SGSH: variants seen among roughly 807,000 people sequenced by gnomAD.
The protein encoded by SGSH is heparan sulfate sulfatase.
In SGSH, 48 loss-of-function variants were observed where a neutral mutation model predicts 51.0. The ratio of observed to expected loss-of-function variants is 0.94; its 90% CI spans 0.75 to 1.20. The LOEUF (loss-of-function observed/expected upper bound fraction) is 1.20, where lower values mean the gene tolerates loss of function less well. SGSH is among the 50% of genes most tolerant of loss of function. SGSH has a pLI of 0.00. For missense variants in SGSH, 662 were observed against 717.8 expected, an observed-to-expected ratio of 0.92 and a Z score of 0.89; for synonymous variants, 321 against 313.4, an observed-to-expected ratio of 1.02 and a Z score of -0.26.
chr17:80,211,939 G>T, intron 7 of SGSH, 132 bp downstream of exon 7: 1 of 762,942 alleles, frequency 1.3e-6, no homozygotes, highest in Non-Finnish European at 2.3e-6. Context: ...GAGTGGGAGT[G>T]ACAGTCCCTT....
In SGSH at chr17:80,209,857, A is replaced by G; in HGVS notation, c.*595T>C. ...GCTGAAACCTGCCTGGGGAACAGGG[A>G]CTTGACCATGGGGCAAAACAGAAGA... On this transcript the variant is annotated 3_prime_UTR_variant, in exon 8 of 8. Coordinates refer to ENST00000326317, the MANE Select transcript of SGSH (RefSeq NM_000199.5). The G allele has an allele frequency of 1.0e-6, 1 of 989,116 alleles. No individual in the cohort carries two copies. The highest frequency in any genetic ancestry group is 1.2e-6 in the Non-Finnish European group (1 of 832,180). The allele number at this position is 989,116 out of a possible 1,614,324, so 61.3% of individuals were successfully genotyped here. A position where few individuals can be genotyped will look rare whatever the true frequency, so the allele number is the denominator to read the frequency against.
At chr17:80,202,086 G>C, downstream of SGSH, 1 of 1,276,296 alleles carries the variant, frequency 7.8e-7, no homozygotes, top group Non-Finnish European at 1.1e-6. Flanking sequence ...AGACTGGGAG[G>C]GTCCTTCCTT....
rs929179426 is a variant in SGSH, at chr17:80,209,458, C to T, written c.*994G>A. 4.1e-6 allele frequency: 4 copies of T among 985,472 alleles called. No homozygotes were observed. The highest frequency in any genetic ancestry group is 4.8e-6 in the Non-Finnish European group (4 of 830,094). The allele number at this position is 985,472 out of a possible 1,614,324, so 61.0% of individuals were successfully genotyped here. A position where few individuals can be genotyped will look rare whatever the true frequency, so the allele number is the denominator to read the frequency against. On this transcript the variant is annotated 3_prime_UTR_variant, in exon 8 of 8. Coordinates refer to ENST00000326317, the MANE Select transcript of SGSH (RefSeq NM_000199.5). ...GTGTCCAGGCCGAGGGGTGTCCAGGCCGGGCTTCTGCTCCCGAGGTGGGTG... is the reference window on the plus strand; with the variant it reads ...GTGTCCAGGCCGAGGGGTGTCCAGGTCGGGCTTCTGCTCCCGAGGTGGGTG...
downstream of SGSH, chr17:80,205,409 CA>C (rs1275717441): frequency 1.4e-5 from 19 of 1,362,370 alleles, no homozygotes; most frequent in Non-Finnish European, 1.9e-5. Flanking sequence ...GTAAAGTGGA[CA>C]TCCTAAGAAG....
intron 2 of SGSH, among the ~76,000 whole-genome samples, chr17:80,216,044 G>T (rs531085122): frequency 6.6e-6 from 1 of 151,978 alleles, no homozygotes; most frequent in Non-Finnish European, 1.5e-5. Flanking sequence ...GACACAAAAG[G>T]GGGGCCGGGC....
chr17:80,216,033 G>A (rs563972248), intron 2 of SGSH, among the ~76,000 whole-genome samples: 1 of 150,798 alleles, frequency 6.6e-6, no homozygotes, highest in East Asian at 2.0e-4. Context: ...AGTGAAGTAA[G>A]GACACAAAAG....
intron 2 of SGSH, 99 bp from the exon 3 acceptor site, chr17:80,215,237 C>A: frequency 2.4e-6 from 2 of 848,832 alleles, no homozygotes; most frequent in South Asian, 1.4e-5. Context: ...GGGGCCTTCT[C>A]GGGGCCCTGA....
At chr17:80,218,770 C>T (rs111239565) in intron 1 of SGSH, among the ~76,000 whole-genome samples, 3 of 152,290 alleles carry the variant, frequency 2.0e-5, no homozygotes, top group Admixed American at 6.5e-5. Flanking sequence ...GAAGCCCTAA[C>T]GTCAACATCA....
Position 80,212,490 on chromosome 17 carries a change from C to T in SGSH, c.746-216G>A, listed in dbSNP as rs1268716087. On this transcript the variant is annotated intron_variant, in intron 6 of 7. Coordinates refer to ENST00000326317, the MANE Select transcript of SGSH (RefSeq NM_000199.5). This position sits in a 1 kb window ranked among gnomAD's most constrained non-coding sequence, Gnocchi z 5.9. ...ATTCCCTGAGCAGGCCTCGAATGGGCCTCCAGGGACTCCAGCCATCCCTTG... is the reference window on the plus strand; with the variant it reads ...ATTCCCTGAGCAGGCCTCGAATGGGTCTCCAGGGACTCCAGCCATCCCTTG... 1.3e-5 allele frequency: 8 copies of T among 606,264 alleles called. No individual in the cohort carries two copies. Among genetic ancestry groups the T allele is most frequent in the African/African-American group, 1.8e-5 (1 of 54,776 alleles). The allele number at this position is 606,264 out of a possible 1,614,324, so 37.6% of individuals were successfully genotyped here. A position where few individuals can be genotyped will look rare whatever the true frequency, so the allele number is the denominator to read the frequency against.
chr17:80,206,779 AAT>A, downstream of SGSH: 1 of 408,904 alleles, frequency 2.4e-6, no homozygotes, highest in East Asian at 3.7e-5. Context: ...AAAAATAAAA[AAT>A]AAAAATAAAA....
chr17:80,201,796 C>A, downstream of SGSH: 1 of 1,613,990 alleles, frequency 6.2e-7, no homozygotes, highest in Non-Finnish European at 8.5e-7. This position sits in a 1 kb window ranked among gnomAD's most constrained non-coding sequence, Gnocchi z 5.0. Context: ...GAGGACACGA[C>A]CCTGGAGGAG....
Position 80,212,421 on chromosome 17 carries a change from G to A in SGSH, c.746-147C>T, listed in dbSNP as rs1409235163. ...AAGCACCCTGTAGTTCTTCCCAATG[G>A]CCCTGGCTCTTGCCCAGCTCTTGCC... On this transcript the variant is annotated intron_variant, in intron 6 of 7. Transcript: ENST00000326317. This position sits in a 1 kb window ranked among gnomAD's most constrained non-coding sequence, Gnocchi z 5.9. The A allele has an allele frequency of 1.2e-5, 9 of 733,810 alleles. No homozygotes were observed. The highest frequency in any genetic ancestry group is 2.7e-5 in the East Asian group (1 of 37,194). The allele number at this position is 733,810 out of a possible 1,614,324, so 45.5% of individuals were successfully genotyped here.
At chr17:80,208,190 A>C (rs1472109518), downstream of SGSH, 3 of 1,551,978 alleles carry the variant, frequency 1.9e-6, no homozygotes, top group African/African-American at 4.1e-5. Context: ...GGAGGCTGCG[A>C]GGCAGGAGGA....
In SGSH at chr17:80,212,234, G is replaced by A; in HGVS notation, c.786C>T (p.Val262=). The A allele has an allele frequency of 6.2e-7, 1 of 1,612,972 alleles. No individual in the cohort carries two copies. The highest frequency in any genetic ancestry group is 8.5e-7 in the Non-Finnish European group (1 of 1,179,844). ...LVLQELRDAG[V]LNDTLVIFTS... ...TGAAGATCACCAGTGTGTCGTTCAG[G>A]ACACCGGCGTCACGCAGCTCCTGGA... The change falls in exon 7 of 8, where the codon GTC becomes GTT. Residue 262 remains valine, a synonymous_variant. Transcript: ENST00000326317. This position sits in a 1 kb window ranked among gnomAD's most constrained non-coding sequence, Gnocchi z 5.9.
rs1354462020 is a variant in SGSH at position 80,210,721 on chromosome 17, G to A, written c.1240C>T (p.Arg414Cys). ...CCCGTGGGCTGACCAGCTGTGGTGC[G>A]GTTCAGGAGGTCCTGGAAGGTGGGT... Reference protein sequence around the residue: ...VSPTFQDLLNRTTAGQPTGWY... With the variant: ...VSPTFQDLLNCTTAGQPTGWY... The change falls in exon 8 of 8, where the codon CGC (arginine) becomes TGC (cysteine). Residue 414 changes from arginine to cysteine, a missense_variant. Physicochemically the swap from Arg to Cys is radical, Grantham distance 180. Coordinates refer to ENST00000326317, the MANE Select transcript of SGSH (RefSeq NM_000199.5). 8.1e-6 allele frequency: 13 copies of A among 1,613,934 alleles called. No homozygotes were observed. Among genetic ancestry groups the A allele is most frequent in the Middle Eastern group, 1.6e-4 (1 of 6,084 alleles).
intron 1 of SGSH, among the ~76,000 whole-genome samples, chr17:80,219,377 CCATGGCA>C (rs2042036557): frequency 6.6e-6 from 1 of 152,144 alleles, no homozygotes; most frequent in South Asian, 2.1e-4. Context: ...TTAAGCCGAT[CCATGGCA>C]GTCCGTGCTA....
downstream of SGSH, chr17:80,204,975 G>C (rs2041203566): frequency 7.0e-7 from 1 of 1,429,422 alleles, no homozygotes; most frequent in East Asian, 2.5e-5. Flanking sequence ...TCCCGGGGCA[G>C]GGTAGGCTGG....
chr17:80,214,460 C>T (rs934843856), intron 4 of SGSH, 132 bp from the exon 5 acceptor site: 2 of 1,293,970 alleles, frequency 1.5e-6, no homozygotes, highest in African/African-American at 2.9e-5. Context: ...TTCCCCACGT[C>T]CCTTCTCCCT....
At position 80,212,143 on chromosome 17, in the gene SGSH, G is replaced by A. The variant is rs143947056; in HGVS notation, c.877C>T (p.Pro293Ser). The change falls in exon 7 of 8, where the codon CCC (proline) becomes TCC (serine). Residue 293 changes from proline (P) to serine (S), a missense_variant. Pro to Ser is a moderately conservative substitution (Grantham distance 74, BLOSUM62 -1). Coordinates refer to ENST00000326317, the MANE Select transcript of SGSH (RefSeq NM_000199.5). This position sits in a 1 kb window ranked among gnomAD's most constrained non-coding sequence, Gnocchi z 5.9. ...TNLYWPGTAE[P>S]LLVSSPEHPK... ...TGCTCCGGGGATGACACCAGTAAGG[G>A]TTCAGCAGTGCCCGGCCAGTACAGG... 122 of 1,613,496 alleles carry A rather than the reference G, an allele frequency of 7.6e-5. No homozygotes were observed. The highest frequency in any genetic ancestry group is 1.0e-4 in the Non-Finnish European group (119 of 1,180,038).
Sources: gnomAD v4.1 joint callset for allele counts (sites outside exome capture counted in the v4.1 genomes callset) on GRCh38, gnomAD v4.1.1 for gene constraint, Gnocchi (gnomAD v3.1) non-coding constraint, MANE v1.5 for transcripts, NCBI Gene and HGNC (gene_info 2026-07-23, HGNC 2026-07-21) for gene names.